NALF2: variants seen among roughly 807,000 people sequenced by gnomAD.
NALF2 encodes bB57D9.1 (TED protein).
A neutral mutation model predicts 24.8 loss-of-function variants in NALF2; 1 was observed. The observed-to-expected ratio is 0.04, with a 90% CI of 0.01 to 0.19. The LOEUF (loss-of-function observed/expected upper bound fraction) is 0.19. Among genes scored for constraint, NALF2 ranks in the 10% least tolerant of loss-of-function variants. The pLI is 1.00. For missense variants in NALF2, 458 were observed against 409.6 expected (o/e 1.12, Z -1.02); for synonymous variants, 254 against 189.8 (o/e 1.34, Z -2.78).
intron 1 of NALF2, among the ~76,000 whole-genome samples, chrX:69,526,840 G>A (rs776276345): frequency 8.9e-6 from 1 of 111,882 alleles, no homozygotes; most frequent in African/African-American, 3.3e-5. Context: ...CATGTTCAAG[G>A]AAAAGAAAGA....
rs1930883020 is a variant in NALF2, at chrX:69,530,223, A to C, written c.*267A>C. 9.5e-6 allele frequency: 3 copies of C among 315,952 alleles called. No individual in the cohort carries two copies. Among genetic ancestry groups the C allele is most frequent in the Non-Finnish European group, 1.7e-5 (3 of 181,401 alleles). 26.0% of individuals were successfully genotyped at this position (315,952 alleles called of 1,213,427 possible). ...TCCCAAGCTCCCATCTATGGGGCTT[A>C]GCAAAAAAAGGGAGGAAGTGGGGGC... On this transcript the variant is annotated 3_prime_UTR_variant, in exon 3 of 3. Coordinates refer to ENST00000252338, the MANE Select transcript of NALF2 (RefSeq NM_015686.3).
chrX:69,513,584 A>G (rs1233655453), intron 1 of NALF2, among the ~76,000 whole-genome samples: 1 of 111,557 alleles, frequency 9.0e-6, no homozygotes, highest in Non-Finnish European at 1.9e-5. Flanking sequence ...TGTTGAACTC[A>G]TTAAAACTTC....
At chrX:69,513,675 G>A (rs767592056) in intron 1 of NALF2, among the ~76,000 whole-genome samples, 2 of 111,143 alleles carry the variant, frequency 1.8e-5, no homozygotes, top group Non-Finnish European at 3.8e-5. Flanking sequence ...AAAGGCCTTT[G>A]AGAAATTTTG....
At chrX:69,513,518 T>G (rs1930615053) in intron 1 of NALF2, among the ~76,000 whole-genome samples, 1 of 112,495 alleles carries the variant, frequency 8.9e-6, no homozygotes, top group Admixed American at 9.4e-5. Flanking sequence ...TATTTGGTTT[T>G]AAGAAGATAG....
In NALF2 at chrX:69,513,179, T is replaced by C. The variant is rs368590839; in HGVS notation, c.861+7036T>C. 3.6e-5 allele frequency among the ~76,000 whole-genome samples: 4 copies of C among 112,004 alleles called. No homozygotes were observed. In the East Asian group the frequency reaches 8.4e-4, roughly 24 times the overall value. On this transcript the variant is annotated intron_variant, in intron 1 of 2. Coordinates refer to ENST00000252338, the MANE Select transcript of NALF2 (RefSeq NM_015686.3). ...CACGAGGGGAGAAGGTGCAGAACATTAACCTAAGTTAGTCCCTAAGCAGGC... is the reference window on the plus strand; with the variant it reads ...CACGAGGGGAGAAGGTGCAGAACATCAACCTAAGTTAGTCCCTAAGCAGGC...
intron 1 of NALF2, among the ~76,000 whole-genome samples, chrX:69,508,318 C>T (rs1016887692): frequency 5.4e-5 from 6 of 111,503 alleles, no homozygotes; most frequent in African/African-American, 2.0e-4. Context: ...AACTCAGGTG[C>T]AAGGGGATCA....
chrX:69,528,792 TG>T (rs1187545767), intron 1 of NALF2, among the ~76,000 whole-genome samples, 200 bp from the exon 2 acceptor site: 2 of 112,027 alleles, frequency 1.8e-5, no homozygotes, highest in Non-Finnish European at 3.8e-5. Context: ...CTGGGGTGCT[TG>T]GGAGTACTGG....
In NALF2 at chrX:69,505,964, C is replaced by T; in HGVS notation, c.682C>T (p.Leu228=). 1 of 1,211,972 alleles carries T rather than the reference C, an allele frequency of 8.3e-7. No individual in the cohort carries two copies. The highest frequency in any genetic ancestry group is 1.1e-6 in the Non-Finnish European group (1 of 895,449). Residue 228 remains leucine (L), a synonymous_variant, in exon 1 of 3, where the codon CTG becomes TTG. Coordinates refer to ENST00000252338, the MANE Select transcript of NALF2 (RefSeq NM_015686.3). Reference sequence around the variant, plus strand: ...TAGCCTGGACACCCTGATGGGGGACCTGCTGGCCGTGGTGGCCAGCCCGGG... The same window carrying T: ...TAGCCTGGACACCCTGATGGGGGACTTGCTGGCCGTGGTGGCCAGCCCGGG... ...DCSLDTLMGD[L]LAVVASPGSG...
intron 1 of NALF2, among the ~76,000 whole-genome samples, chrX:69,528,421 T>A (rs145462139): frequency 0.017 from 1,895 of 111,822 alleles, 51 homozygotes; most frequent in African/African-American, 0.059. Context: ...GTTTTTTTTT[T>A]ATTATTAAAA....
At chrX:69,509,597 G>A (rs1187841034) in intron 1 of NALF2, among the ~76,000 whole-genome samples, 1 of 111,054 alleles carries the variant, frequency 9.0e-6, no homozygotes, top group African/African-American at 3.3e-5. Flanking sequence ...CTCTATTCCA[G>A]ACTGACCCAA....
At chrX:69,509,755 A>T (rs1012578047) in intron 1 of NALF2, among the ~76,000 whole-genome samples, 1 of 112,012 alleles carries the variant, frequency 8.9e-6, no homozygotes, top group African/African-American at 3.2e-5. Flanking sequence ...GTCTGACTTC[A>T]CACCTCAGAA....
chrX:69,516,026 A>T (rs901320256), intron 1 of NALF2, among the ~76,000 whole-genome samples: 1 of 112,311 alleles, frequency 8.9e-6, no homozygotes, highest in Non-Finnish European at 1.9e-5. Flanking sequence ...TGGTGTAATT[A>T]TACTATCGGT....
chrX:69,516,213 C>G (rs955750470), intron 1 of NALF2, among the ~76,000 whole-genome samples: 2 of 112,002 alleles, frequency 1.8e-5, no homozygotes, highest in African/African-American at 6.5e-5. Context: ...GTTTGGACTG[C>G]ATGACTGAGT....
In NALF2 at chrX:69,530,733, T is replaced by C. The variant is rs1930891906; in HGVS notation, c.*777T>C. The C allele has an allele frequency of 8.9e-6, 1 of 112,332 alleles. No individual in the cohort carries two copies. Among genetic ancestry groups the C allele is most frequent in the African/African-American group, 3.2e-5 (1 of 30,823 alleles). The allele number at this position is 112,332 out of a possible 1,213,427, so 9.3% of individuals were successfully genotyped here. ...ATGGGCGATAAGTGTTGAGGTAGGCTCGAGAACTGCTCCCCAAATCAGTGA... is the reference window on the plus strand; with the variant it reads ...ATGGGCGATAAGTGTTGAGGTAGGCCCGAGAACTGCTCCCCAAATCAGTGA... On this transcript the variant is annotated 3_prime_UTR_variant, in exon 3 of 3. Transcript: ENST00000252338.
chrX:69,528,485 T>G (rs757319527), intron 1 of NALF2, among the ~76,000 whole-genome samples: 1 of 112,164 alleles, frequency 8.9e-6, no homozygotes, highest in South Asian at 3.7e-4. Context: ...TTTTCATATA[T>G]GCCATATTAT....
At chrX:69,512,080 A>T (rs1012603361) in intron 1 of NALF2, among the ~76,000 whole-genome samples, 4 of 111,682 alleles carry the variant, frequency 3.6e-5, no homozygotes, top group Non-Finnish European at 7.5e-5. Context: ...TCTCAGCCAC[A>T]TGTGGATTCC....
chrX:69,527,548 T>C (rs1930825490), intron 1 of NALF2, among the ~76,000 whole-genome samples: 1 of 112,231 alleles, frequency 8.9e-6, no homozygotes, highest in South Asian at 3.7e-4. Flanking sequence ...TGGACCTGGC[T>C]CAGAAATGCA....
In NALF2 at chrX:69,505,044, G is replaced by A. The variant is rs1176160271; in HGVS notation, c.-239G>A. Among the ~76,000 whole-genome samples the A allele has an allele frequency of 9.4e-6, 1 of 106,882 alleles. No homozygotes were observed. The highest frequency in any genetic ancestry group is 2.0e-5 in the Non-Finnish European group (1 of 50,960). The allele number at this position is 106,882 out of a possible 115,157, so 92.8% of individuals were successfully genotyped here. ...ACGCCGGGCAGCGCCTAGCGGGCCG[G>A]GCGGCGGCGCCCGGGCTGAGAGCGA... On this transcript the variant is annotated 5_prime_UTR_variant, in exon 1 of 3. Transcript: ENST00000252338.
rs1490826757 is a variant in NALF2 at position 69,505,206 on chromosome X, G to C, written c.-77G>C. On this transcript the variant is annotated 5_prime_UTR_variant, in exon 1 of 3. Transcript: ENST00000252338. ...GGACGGCGCCGAGGAGCGCAGAGCG[G>C]CGCGCAGCCCGCCCGCCCCAGACGG... 1.2e-5 allele frequency: 12 copies of C among 1,017,919 alleles called. No homozygotes were observed. Among genetic ancestry groups the C allele is most frequent in the Non-Finnish European group, 1.4e-5 (11 of 774,779 alleles). 83.9% of individuals were successfully genotyped at this position (1,017,919 alleles called of 1,213,427 possible). A position where few individuals can be genotyped will look rare whatever the true frequency, so the allele number is the denominator to read the frequency against.
Sources: gnomAD v4.1 joint callset for allele counts (sites outside exome capture counted in the v4.1 genomes callset) on GRCh38, gnomAD v4.1.1 for gene constraint, MANE v1.5 for transcripts, NCBI Gene and HGNC (gene_info 2026-07-23, HGNC 2026-07-21) for gene names.